Variants in CD163L1 observed in about 807,000 individuals in gnomAD.
CD163L1 encodes the protein CD163 molecule like 1, also known as scavenger receptor cysteine-rich type 1 protein M160.
Under a neutral mutation model 165.4 loss-of-function variants are expected in CD163L1, and 124 were observed. That is an observed-to-expected ratio of 0.75 (90% CI 0.65 to 0.87). The LOEUF (loss-of-function observed/expected upper bound fraction) is 0.87, where lower values mean the gene tolerates loss of function less well. Among genes scored for constraint, CD163L1 ranks in the 40% least tolerant of loss-of-function variants. The pLI, the probability that CD163L1 is intolerant of heterozygous loss-of-function variation, is 0.00. For missense variants in CD163L1, 1,525 were observed against 1,799.9 expected (o/e 0.85, Z 2.76); for synonymous variants, 585 against 662.2 (o/e 0.88, Z 1.79).
At chr12:7,339,369 C>T in the CD163L1 span, among the ~76,000 whole-genome samples, 3 of 152,212 alleles carry the variant, frequency 2.0e-5, no homozygotes, top group South Asian at 4.1e-4. Flanking sequence ...AGATGATAGT[C>T]TCTGATGCAG....
At chr12:7,412,570 A>G (rs1217069653) in intron 4 of CD163L1, among the ~76,000 whole-genome samples, 1 of 152,194 alleles carries the variant, frequency 6.6e-6, no homozygotes, top group Non-Finnish European at 1.5e-5. Flanking sequence ...TTGTAATCTT[A>G]AAGGAGAGGA....
chr12:7,393,686 C>T (rs1947710997), intron 8 of CD163L1, among the ~76,000 whole-genome samples: 1 of 152,058 alleles, frequency 6.6e-6, no homozygotes, highest in Non-Finnish European at 1.5e-5. Flanking sequence ...TTGTCTCAGC[C>T]CAAAATCTCC....
chr12:7,385,348 C>A (rs185523472), intron 8 of CD163L1, among the ~76,000 whole-genome samples: 1 of 151,598 alleles, frequency 6.6e-6, no homozygotes, highest in East Asian at 1.9e-4. Flanking sequence ...CAATGAAGCA[C>A]TCAGACATAT....
intron 2 of CD163L1, among the ~76,000 whole-genome samples, chr12:7,433,912 T>C (rs1948675786): frequency 6.6e-6 from 1 of 152,204 alleles, no homozygotes; most frequent in South Asian, 2.1e-4. Context: ...CTTTGCATTG[T>C]AATGTGAAAA....
At position 7,406,685 on chromosome 12, in the gene CD163L1, C is replaced by A. The variant is rs147468320; in HGVS notation, c.934G>T (p.Ala312Ser). ...CCTGACTGCAAATGAGGCAAGCCAG[C>A]GAAGTGAAGTGCGGTTCCACATCCC... ...QLGCGTALHF[A>S]GLPHLQSGSD... Residue 312 changes from alanine (A) to serine (S), a missense_variant, in exon 5 of 20, where the codon GCT becomes TCT. Transcript: ENST00000313599. The A allele has an allele frequency of 2.7e-5, 43 of 1,613,946 alleles. No homozygotes were observed. In the African/African-American group the frequency reaches 2.9e-4, roughly 11 times the overall value.
chr12:7,388,529 G>T (rs2136469319), intron 8 of CD163L1, among the ~76,000 whole-genome samples: 1 of 152,242 alleles, frequency 6.6e-6, no homozygotes, highest in South Asian at 2.1e-4. Context: ...GATCACTTGA[G>T]CCCGGGAGAT....
At chr12:7,426,454 AAAATAAAT>A (rs766528016) in intron 4 of CD163L1, among the ~76,000 whole-genome samples, 30 of 152,014 alleles carry the variant, frequency 2.0e-4, no homozygotes, top group Non-Finnish European at 4.1e-4. Flanking sequence ...ACTTAAAGTA[AAAATAAAT>A]AAATAAATAA....
chr12:7,405,253 T>A (rs1156630932), intron 5 of CD163L1, among the ~76,000 whole-genome samples: 4 of 152,172 alleles, frequency 2.6e-5, no homozygotes, highest in African/African-American at 9.7e-5. Flanking sequence ...AGAAAATTTA[T>A]CAAAATGATT....
chr12:7,384,309 C>A (rs1947471155), intron 8 of CD163L1, among the ~76,000 whole-genome samples: 1 of 151,766 alleles, frequency 6.6e-6, no homozygotes, highest in Non-Finnish European at 1.5e-5. Context: ...ATAAGGTGAC[C>A]AAATACTTGG....
In CD163L1 at chr12:7,432,749, C is replaced by T; in HGVS notation, c.446-13G>A. On this transcript the variant is annotated splice_polypyrimidine_tract_variant and intron_variant, in intron 3 of 19. Transcript: ENST00000313599. The surrounding 1 kb of genome is among the most constrained non-coding windows in gnomAD (Gnocchi z 4.2). ...AGATTGGCTTCACCTACGAGAAAGACAAGCAGACATATGAAAAACTGATTC... is the reference window on the plus strand; with the variant it reads ...AGATTGGCTTCACCTACGAGAAAGATAAGCAGACATATGAAAAACTGATTC... 6.4e-7 allele frequency: 1 copy of T among 1,571,782 alleles called. No individual in the cohort carries two copies. Among genetic ancestry groups the T allele is most frequent in the Non-Finnish European group, 8.6e-7 (1 of 1,159,874 alleles).
chr12:7,353,200 A>C (rs188269225), downstream of CD163L1, among the ~76,000 whole-genome samples: 1 of 152,204 alleles, frequency 6.6e-6, no homozygotes, highest in African/African-American at 2.4e-5. Flanking sequence ...AAAAGGCTAA[A>C]TAGTAACTTT....
rs762669794 is a variant in CD163L1, at chr12:7,403,673, GT to G, written c.1269del (p.Lys423AsnfsTer11). ...PFSVFGSRRA[K>X]PSNEARDIWI... ...CAAATGTCTCTAGCTTCATTACTAG[GT>G]TTAGCACGACGACTGCCAAAGACGC... On this transcript the variant is annotated frameshift_variant, in exon 6 of 20. Transcript: ENST00000313599. LOFTEE classifies it high-confidence loss of function. 8.1e-6 allele frequency: 13 copies of G among 1,613,900 alleles called. No homozygotes were observed. Among genetic ancestry groups the G allele is most frequent in the Admixed American group, 1.7e-5 (1 of 59,958 alleles).
chr12:7,367,207 T>C lies in CD163L1; in HGVS notation c.4279+29A>G, dbSNP rs758112364. ...TTTCCTCATATTCCCACCCTCTCCA[T>C]GGAGTGCGGCCCCTGGAGTTGCACA... On this transcript the variant is annotated intron_variant, in intron 18 of 19. Transcript: ENST00000313599. 11 of 1,378,118 alleles carry C rather than the reference T, an allele frequency of 8.0e-6. No homozygotes were observed. The South Asian group carries it at 1.3e-4, about 16-fold the overall frequency. The allele number at this position is 1,378,118 out of a possible 1,614,324, so 85.4% of individuals were successfully genotyped here.
chr12:7,374,380 TTG>T lies in CD163L1; in HGVS notation c.3409+60_3409+61del. On this transcript the variant is annotated intron_variant, in intron 13 of 19. Coordinates refer to ENST00000313599, the MANE Select transcript of CD163L1 (RefSeq NM_174941.6). This position sits in a 1 kb window ranked among gnomAD's most constrained non-coding sequence, Gnocchi z 5.4. ...CTTTTCACTACACTTTACAATTGTG[TTG>T]TGTGTGTGCAAGTGTGTGCACGTGT... 1.4e-6 allele frequency: 2 copies of T among 1,477,982 alleles called. No homozygotes were observed. Among genetic ancestry groups the T allele is most frequent in the East Asian group, 2.3e-5 (1 of 43,916 alleles). 91.6% of individuals were successfully genotyped at this position (1,477,982 alleles called of 1,614,324 possible).
In CD163L1 at chr12:7,396,017, TACTG is replaced by T. The variant is rs199656249; in HGVS notation, c.2050+74_2050+77del. ...AGCAATGAGCACTCGGTCATAAATGTACTGACTAAGAAGAAAGAAGGTATGTTAG... is the reference window on the plus strand; with the variant it reads ...AGCAATGAGCACTCGGTCATAAATGTACTAAGAAGAAAGAAGGTATGTTAG... On this transcript the variant is annotated intron_variant, in intron 8 of 19. Coordinates refer to ENST00000313599, the MANE Select transcript of CD163L1 (RefSeq NM_174941.6). The T allele has an allele frequency of 3.4e-3, 4,024 of 1,174,200 alleles. 149 individuals are homozygous for T. In the East Asian group the frequency reaches 0.074, roughly 22 times the overall value. The allele number at this position is 1,174,200 out of a possible 1,614,324, so 72.7% of individuals were successfully genotyped here. A position where few individuals can be genotyped will look rare whatever the true frequency, so the allele number is the denominator to read the frequency against.
At chr12:7,439,635 G>C in intron 2 of CD163L1, 1 of 1,611,186 alleles carries the variant, frequency 6.2e-7, no homozygotes, top group Admixed American at 1.7e-5. Flanking sequence ...TATCCTTCCT[G>C]ACTGCTTTGG....
At chr12:7,424,125 C>T (rs961334071) in intron 4 of CD163L1, among the ~76,000 whole-genome samples, 4 of 152,088 alleles carry the variant, frequency 2.6e-5, no homozygotes, top group African/African-American at 9.7e-5. Context: ...AAAGCTTATC[C>T]ACCACGATCA....
chr12:7,367,734 C>G (rs547610383), intron 17 of CD163L1, among the ~76,000 whole-genome samples: 71 of 152,186 alleles, frequency 4.7e-4, no homozygotes, highest in Non-Finnish European at 7.6e-4. Context: ...CCAGGAAACT[C>G]TTGTTCTTAA....
the CD163L1 span, among the ~76,000 whole-genome samples, chr12:7,320,956 C>T: frequency 1.3e-5 from 2 of 152,176 alleles, no homozygotes; most frequent in African/African-American, 2.4e-5. Flanking sequence ...GGAGGACGGT[C>T]GTATGCATTA....
Sources: gnomAD v4.1 joint callset for allele counts (sites outside exome capture counted in the v4.1 genomes callset) on GRCh38, gnomAD v4.1.1 for gene constraint, Gnocchi (gnomAD v3.1) non-coding constraint, MANE v1.5 for transcripts, NCBI Gene and HGNC (gene_info 2026-07-23, HGNC 2026-07-21) for gene names.